Variants in PAK2 observed in about 807,000 individuals in gnomAD.
PAK2 encodes the protein p21 (RAC1) activated kinase 2, also known as serine/threonine-protein kinase PAK 2.
Under a neutral mutation model 65.9 loss-of-function variants are expected in PAK2, and 21 were observed. That is an observed-to-expected ratio of 0.32 (90% CI 0.23 to 0.46). PAK2 has a LOEUF of 0.46. Among genes scored for constraint, PAK2 ranks in the 20% least tolerant of loss-of-function variants. PAK2 has a pLI of 1.00. For synonymous variants in PAK2, 204 were observed against 219.7 expected (o/e 0.93, Z 0.63); for missense variants, 324 against 642.6 (o/e 0.50, Z 5.36).
At chr3:196,769,804 G>A (rs949603244) in intron 1 of PAK2, among the ~76,000 whole-genome samples, 6 of 151,740 alleles carry the variant, frequency 4.0e-5, no homozygotes, top group Admixed American at 6.6e-5. Flanking sequence ...GCGACAGAGC[G>A]AGACTCTGTC....
chr3:196,827,627 T>G (rs62410766), intron 14 of PAK2, among the ~76,000 whole-genome samples: 43,901 of 150,602 alleles, frequency 0.29, 7,161 homozygotes, highest in African/African-American at 0.42. Flanking sequence ...TGGGGAGGGA[T>G]AGCATTAGGA....
intron 1 of PAK2, among the ~76,000 whole-genome samples, chr3:196,743,911 T>C (rs552621883): frequency 6.6e-6 from 1 of 151,646 alleles, no homozygotes; most frequent in Non-Finnish European, 1.5e-5. Context: ...AACAAAAAAC[T>C]GCCTTCTAAA....
At chr3:196,762,675 G>A (rs985520135) in intron 1 of PAK2, among the ~76,000 whole-genome samples, 1 of 151,688 alleles carries the variant, frequency 6.6e-6, no homozygotes, top group Admixed American at 6.6e-5. Flanking sequence ...GGGAGACCGT[G>A]GGGAGAGGGA....
At chr3:196,756,150 C>T (rs1713762394) in intron 1 of PAK2, among the ~76,000 whole-genome samples, 1 of 152,182 alleles carries the variant, frequency 6.6e-6, no homozygotes, top group Admixed American at 6.5e-5. Context: ...AGCCTCGCCA[C>T]TTGACTTCCT....
chr3:196,806,047 G>A (rs961175223), intron 5 of PAK2, among the ~76,000 whole-genome samples: 17 of 151,916 alleles, frequency 1.1e-4, no homozygotes, highest in Non-Finnish European at 2.2e-4. Context: ...GAGTAGCTGG[G>A]ACTACAGGCG....
rs1357631476 is a variant in PAK2, at chr3:196,811,434, T to C, written c.773+781T>C. Among the ~76,000 whole-genome samples, 3 of 101,598 alleles carry C rather than the reference T, an allele frequency of 3.0e-5. No individual in the cohort carries two copies. The Admixed American group carries it at 4.1e-4, about 14-fold the overall frequency. The allele number at this position is 101,598 out of a possible 152,430, so 66.7% of individuals were successfully genotyped here. On this transcript the variant is annotated intron_variant, in intron 8 of 14. Coordinates refer to ENST00000327134, the MANE Select transcript of PAK2 (RefSeq NM_002577.4). Reference sequence around the variant, plus strand: ...GCGGAGTCTGTCACTCAGGCTGGAGTGCAGTGACATAATCTCAGCTCACTG... The same window carrying C: ...GCGGAGTCTGTCACTCAGGCTGGAGCGCAGTGACATAATCTCAGCTCACTG...
intron 5 of PAK2, 69 bp from the exon 6 acceptor site, chr3:196,806,510 C>A: frequency 2.1e-6 from 2 of 939,214 alleles, no homozygotes; most frequent in Non-Finnish European, 3.5e-6. Context: ...GAAGTACGTT[C>A]ATAAAGGGCG....
chr3:196,820,347 A>T lies in PAK2; in HGVS notation c.1154-24A>T. The T allele has an allele frequency of 6.8e-7, 1 of 1,471,148 alleles. No individual in the cohort carries two copies. The highest frequency in any genetic ancestry group is 9.2e-7 in the Non-Finnish European group (1 of 1,090,598). 91.1% of individuals were successfully genotyped at this position (1,471,148 alleles called of 1,614,324 possible). On this transcript the variant is annotated intron_variant, in intron 12 of 14. Transcript: ENST00000327134. The surrounding 1 kb of genome is among the most constrained non-coding windows in gnomAD (Gnocchi z 4.6). ...CTAAAACCATCCATGGAAGCCATTA[A>T]CTCTGTTTTGTTTTGTTTTGTAGCT...
chr3:196,820,489 C>T lies in PAK2; in HGVS notation c.1272C>T (p.Val424=), dbSNP rs201099222. 546 of 1,612,384 alleles carry T rather than the reference C, an allele frequency of 3.4e-4. 2 individuals are homozygous for T. The East Asian group carries it at 3.5e-3, about 10-fold the overall frequency. ...CACGGAAAGCTTATGGCCCTAAAGTCGACATATGGTCTCTGGGTATCATGG... is the reference window on the plus strand; with the variant it reads ...CACGGAAAGCTTATGGCCCTAAAGTTGACATATGGTCTCTGGGTATCATGG... The part of the protein sequence containing the change: ...VVTRKAYGPK[V]DIWSLGIMAI... The change falls in exon 13 of 15, where the codon GTC becomes GTT. Residue 424 remains valine (V), a synonymous_variant. Transcript: ENST00000327134. This position sits in a 1 kb window ranked among gnomAD's most constrained non-coding sequence, Gnocchi z 4.6.
chr3:196,817,425 A>G (rs1711515993), intron 11 of PAK2, among the ~76,000 whole-genome samples: 2 of 151,964 alleles, frequency 1.3e-5, no homozygotes, highest in Non-Finnish European at 2.9e-5. Context: ...ATCTTGGCTC[A>G]GTGCAAGTTC....
At chr3:196,759,317 A>G (rs1019008067) in intron 1 of PAK2, among the ~76,000 whole-genome samples, 2 of 152,008 alleles carry the variant, frequency 1.3e-5, no homozygotes, top group African/African-American at 4.8e-5. Flanking sequence ...TCTTCACCAG[A>G]GGCAAACTTT....
chr3:196,831,703 G>A lies in PAK2; in HGVS notation c.*3298G>A, dbSNP rs1011984278. The A allele has an allele frequency of 1.1e-4, 17 of 152,146 alleles. No homozygotes were observed. Among genetic ancestry groups the A allele is most frequent in the African/African-American group, 4.1e-4 (17 of 41,432 alleles). 9.4% of individuals were successfully genotyped at this position (152,146 alleles called of 1,614,324 possible). ...GAATAATTTTAGATCTGATCAGGTA[G>A]TAGCTAAAATTAGAAAAAAACAAAA... On this transcript the variant is annotated 3_prime_UTR_variant, in exon 15 of 15. Coordinates refer to ENST00000327134, the MANE Select transcript of PAK2 (RefSeq NM_002577.4).
At chr3:196,792,440 A>G (rs1237777043) in intron 2 of PAK2, among the ~76,000 whole-genome samples, 2 of 152,214 alleles carry the variant, frequency 1.3e-5, no homozygotes, top group Non-Finnish European at 2.9e-5. Context: ...AAGAGAATCC[A>G]GGCTTAACAG....
intron 11 of PAK2, among the ~76,000 whole-genome samples, chr3:196,817,822 G>A (rs995361107): frequency 6.6e-6 from 1 of 152,188 alleles, no homozygotes; most frequent in Non-Finnish European, 1.5e-5. Context: ...GAGGGTAGGA[G>A]CGGATCTACT....
intron 8 of PAK2, among the ~76,000 whole-genome samples, chr3:196,811,032 T>C (rs1715766596): frequency 6.6e-6 from 1 of 152,060 alleles, no homozygotes; most frequent in African/African-American, 2.4e-5. Context: ...CTTCTGATTT[T>C]GTTGTGTAAT....
chr3:196,818,304 G>T, intron 12 of PAK2, 148 bp downstream of exon 12: 3 of 525,500 alleles, frequency 5.7e-6, no homozygotes, highest in Non-Finnish European at 1.0e-5. Flanking sequence ...TCCTCTGAGG[G>T]TTTTAACTAA....
chr3:196,741,224 T>C (rs927478168), intron 1 of PAK2, among the ~76,000 whole-genome samples: 1 of 152,208 alleles, frequency 6.6e-6, no homozygotes, highest in African/African-American at 2.4e-5. Context: ...ACTCTTCCGC[T>C]CTTATAAGTA....
intron 2 of PAK2, among the ~76,000 whole-genome samples, chr3:196,793,199 C>T (rs1028962763): frequency 6.6e-6 from 1 of 152,164 alleles, no homozygotes; most frequent in African/African-American, 2.4e-5. Flanking sequence ...AAAGAATAAA[C>T]TGGGATTTAC....
chr3:196,767,198 C>A (rs1421852663), intron 1 of PAK2, among the ~76,000 whole-genome samples: 2 of 152,014 alleles, frequency 1.3e-5, no homozygotes, highest in African/African-American at 4.8e-5. Context: ...TACTTCCAGT[C>A]TTTTGCTGTT....
Sources: gnomAD v4.1 joint callset for allele counts (sites outside exome capture counted in the v4.1 genomes callset) on GRCh38, gnomAD v4.1.1 for gene constraint, Gnocchi (gnomAD v3.1) non-coding constraint, MANE v1.5 for transcripts, NCBI Gene and HGNC (gene_info 2026-07-23, HGNC 2026-07-21) for gene names.